The following SLC35F1 variants were observed in gnomAD, a reference collection of about 807,000 sequenced individuals.
SLC35F1 encodes the protein solute carrier family 35 member F1.
Under a neutral mutation model 48.7 loss-of-function variants are expected in SLC35F1, and 14 were observed. The ratio of observed to expected loss-of-function variants is 0.29; its 90% CI spans 0.19 to 0.45. SLC35F1 has a LOEUF of 0.45. Ranked by LOEUF, SLC35F1 falls within the 20% of genes least tolerant of loss-of-function variation. The pLI is 1.00. For synonymous variants in SLC35F1, 190 were observed against 202.2 expected (o/e 0.94, Z 0.51); for missense variants, 404 against 500.0 (o/e 0.81, Z 1.83).
chr6:118,140,409 A>G (rs949746632), intron 1 of SLC35F1, among the ~76,000 whole-genome samples: 3 of 152,228 alleles, frequency 2.0e-5, no homozygotes, highest in Admixed American at 6.5e-5. Flanking sequence ...TGTATTACTC[A>G]GACATTTCTG....
intron 2 of SLC35F1, among the ~76,000 whole-genome samples, chr6:118,187,937 G>A (rs1332153367): frequency 6.6e-6 from 1 of 152,168 alleles, no homozygotes; most frequent in Non-Finnish European, 1.5e-5. Flanking sequence ...ACTACATAAA[G>A]CATTTAATTC....
intron 1 of SLC35F1, among the ~76,000 whole-genome samples, chr6:118,105,011 C>T (rs755539463): frequency 1.3e-5 from 2 of 152,166 alleles, no homozygotes; most frequent in Non-Finnish European, 2.9e-5. Flanking sequence ...CTTCCCTGTA[C>T]TGCATCTGGG....
intron 1 of SLC35F1, among the ~76,000 whole-genome samples, chr6:118,025,027 C>G (rs1253869934): frequency 6.6e-6 from 1 of 152,188 alleles, no homozygotes; most frequent in African/African-American, 2.4e-5. Context: ...CTAGGTTCCC[C>G]TATTGTTAAC....
At chr6:117,963,230 C>T (rs920172877) in intron 1 of SLC35F1, among the ~76,000 whole-genome samples, 1 of 152,098 alleles carries the variant, frequency 6.6e-6, no homozygotes, top group South Asian at 2.1e-4. Context: ...CTAGAATTTA[C>T]CACATATGAT....
At chr6:118,247,970 T>C (rs537885512) in intron 3 of SLC35F1, among the ~76,000 whole-genome samples, 1 of 152,344 alleles carries the variant, frequency 6.6e-6, no homozygotes, top group East Asian at 1.9e-4. Flanking sequence ...TCTTTCCAAA[T>C]AGTAAAACCT....
intron 3 of SLC35F1, among the ~76,000 whole-genome samples, chr6:118,249,169 A>G (rs561531976): frequency 8.5e-5 from 13 of 152,336 alleles, no homozygotes; most frequent in Middle Eastern, 3.4e-3. Flanking sequence ...CAGCCTTAAT[A>G]GACTGAGGCA....
chr6:117,920,302 C>A (rs1007941725), intron 1 of SLC35F1, among the ~76,000 whole-genome samples: 14 of 152,152 alleles, frequency 9.2e-5, no homozygotes, highest in Non-Finnish European at 2.1e-4. Context: ...TACAGAGGAC[C>A]GGACGGGGGC....
At chr6:118,244,146 T>C (rs1775476593) in intron 3 of SLC35F1, among the ~76,000 whole-genome samples, 2 of 152,248 alleles carry the variant, frequency 1.3e-5, no homozygotes, top group Admixed American at 6.5e-5. Context: ...AGAGCTATTG[T>C]CAATCTCTCT....
At chr6:118,299,768 G>A (rs1217816827) in intron 7 of SLC35F1, among the ~76,000 whole-genome samples, 1 of 152,202 alleles carries the variant, frequency 6.6e-6, no homozygotes, top group East Asian at 1.9e-4. Context: ...CTAAATGTCA[G>A]TTAGAGGTCA....
chr6:118,284,362 C>A (rs1406782968), intron 6 of SLC35F1, among the ~76,000 whole-genome samples: 1 of 148,038 alleles, frequency 6.8e-6, no homozygotes, highest in Admixed American at 6.7e-5. Context: ...TTTTTTTTTA[C>A]ATTTGCATTG....
At chr6:117,985,316 T>C (rs2114853305) in intron 1 of SLC35F1, among the ~76,000 whole-genome samples, 1 of 152,332 alleles carries the variant, frequency 6.6e-6, no homozygotes, top group Admixed American at 6.5e-5. Context: ...ACTTTTTAAA[T>C]TGAGCAGGGA....
At chr6:118,254,973 A>C (rs1429250624) in intron 3 of SLC35F1, among the ~76,000 whole-genome samples, 2 of 152,154 alleles carry the variant, frequency 1.3e-5, no homozygotes, top group African/African-American at 4.8e-5. Flanking sequence ...TAATGTAAAA[A>C]ATGCAGAGGA....
intron 2 of SLC35F1, 114 bp from the exon 3 acceptor site, chr6:118,235,395 T>C (rs1008232557): frequency 1.0e-6 from 1 of 988,100 alleles, no homozygotes; most frequent in Non-Finnish European, 1.5e-6. Flanking sequence ...TTTAAATATT[T>C]GGTAAACTTT....
intron 1 of SLC35F1, among the ~76,000 whole-genome samples, chr6:117,974,702 TTAAAA>T (rs1326434509): frequency 1.4e-4 from 22 of 152,296 alleles, no homozygotes; most frequent in African/African-American, 5.3e-4. Context: ...ACATTATAAA[TTAAAA>T]TAGAGGAATT....
intron 1 of SLC35F1, among the ~76,000 whole-genome samples, chr6:117,995,797 C>G (rs1417985793): frequency 6.6e-6 from 1 of 151,972 alleles, no homozygotes; most frequent in East Asian, 1.9e-4. Flanking sequence ...CAGTCATATT[C>G]AAAGTTCTGT....
chr6:117,943,799 G>A (rs140911514), intron 1 of SLC35F1, among the ~76,000 whole-genome samples: 41 of 152,262 alleles, frequency 2.7e-4, no homozygotes, highest in Non-Finnish European at 5.0e-4. Flanking sequence ...AGCTAGAAGA[G>A]ATTCCTAAAG....
chr6:118,004,767 T>C (rs1263428018), intron 1 of SLC35F1, among the ~76,000 whole-genome samples: 2 of 152,128 alleles, frequency 1.3e-5, no homozygotes, highest in East Asian at 3.9e-4. Context: ...CTTGATATTT[T>C]TCCTGGGCTG....
At chr6:117,935,744 C>T (rs1339541477) in intron 1 of SLC35F1, among the ~76,000 whole-genome samples, 1 of 152,088 alleles carries the variant, frequency 6.6e-6, no homozygotes, top group East Asian at 1.9e-4. Flanking sequence ...GCTTATAGTA[C>T]GAGAGCTAAA....
intron 1 of SLC35F1, among the ~76,000 whole-genome samples, chr6:117,930,952 C>T (rs1438314461): frequency 6.6e-6 from 1 of 152,176 alleles, no homozygotes; most frequent in East Asian, 1.9e-4. Context: ...TGGGTCAGGC[C>T]ATCTGAACTT....
Sources: allele counts gnomAD v4.1 joint callset (sites outside exome capture counted in the v4.1 genomes callset), GRCh38; gene constraint gnomAD v4.1.1; transcripts MANE v1.5; gene names NCBI Gene and HGNC (gene_info 2026-07-23, HGNC 2026-07-21).